RBFOX3: variants seen among roughly 807,000 people sequenced by gnomAD.
RBFOX3 encodes the protein RNA binding protein fox-1 homolog 3.
In RBFOX3, 17 loss-of-function variants were observed where a neutral mutation model predicts 48.7. That is an observed-to-expected ratio of 0.35 (90% confidence interval 0.24 to 0.52). The LOEUF is 0.52. Among genes scored for constraint, RBFOX3 ranks in the 20% least tolerant of loss-of-function variants. The probability of loss-of-function intolerance (pLI) is 0.94; values close to 1 mark genes in which losing one functional copy is unlikely to be tolerated. For synonymous variants in RBFOX3, 212 were observed against 209.5 expected (o/e 1.01, Z -0.10); for missense variants, 382 against 497.5 (o/e 0.77, Z 2.21).
Position 79,391,494 on chromosome 17 carries a change from G to A in RBFOX3, c.-174-83670C>T, listed in dbSNP as rs117980107. On this transcript the variant is annotated intron_variant, in intron 2 of 14. Transcript: ENST00000693108. This position sits in a 1 kb window ranked among gnomAD's most constrained non-coding sequence, Gnocchi z 5.0. ...CCTGAATTATTATCTAAAATGTCAA[G>A]TTCATGACTTGTCCGCCCAAATACG... 4.0e-3 allele frequency among the ~76,000 whole-genome samples: 605 copies of A among 152,274 alleles called. 3 individuals are homozygous for A. Among genetic ancestry groups the A allele is most frequent in the Non-Finnish European group, 6.5e-3 (442 of 68,028 alleles).
intron 2 of RBFOX3, among the ~76,000 whole-genome samples, chr17:79,312,489 C>T (rs1314687808): frequency 1.3e-5 from 2 of 151,998 alleles, no homozygotes; most frequent in African/African-American, 2.4e-5. Context: ...GTCTGCCAGG[C>T]GCTGTCCTGT....
intron 14 of RBFOX3, among the ~76,000 whole-genome samples, chr17:79,091,118 A>G (rs1014944207): frequency 2.6e-5 from 4 of 152,328 alleles, no homozygotes; most frequent in Admixed American, 2.6e-4. Context: ...AGGAGGAGAC[A>G]GAGCTGAGCA....
intron 4 of RBFOX3, among the ~76,000 whole-genome samples, chr17:79,209,865 T>C (rs996803795): frequency 6.6e-6 from 1 of 151,748 alleles, no homozygotes; most frequent in Non-Finnish European, 1.5e-5. Context: ...GGCGTGGTGG[T>C]GGCCGCCTGT....
the RBFOX3 span, among the ~76,000 whole-genome samples, chr17:79,635,916 G>C: frequency 0.026 from 3,940 of 152,290 alleles, 181 homozygotes; most frequent in African/African-American, 0.087. Flanking sequence ...TACCAGGATA[G>C]AACAAGGTTC....
intron 4 of RBFOX3, among the ~76,000 whole-genome samples, chr17:79,209,269 T>C (rs938978974): frequency 1.3e-5 from 2 of 152,190 alleles, no homozygotes; most frequent in African/African-American, 4.8e-5. Flanking sequence ...TGCCTCCTTC[T>C]GGGTGCCCAC....
chr17:79,326,454 T>C (rs550148363), intron 2 of RBFOX3, among the ~76,000 whole-genome samples: 2 of 152,274 alleles, frequency 1.3e-5, no homozygotes, highest in African/African-American at 4.8e-5. Flanking sequence ...AGAGAGTGAA[T>C]CTCCATGGGA....
intron 2 of RBFOX3, among the ~76,000 whole-genome samples, chr17:79,315,658 C>T (rs1249095575): frequency 1.3e-5 from 2 of 152,252 alleles, no homozygotes; most frequent in Admixed American, 6.5e-5. Context: ...CAGGTCATTA[C>T]TCAAGGAAAG....
intron 4 of RBFOX3, among the ~76,000 whole-genome samples, chr17:79,163,464 C>T (rs1432407904): frequency 2.0e-5 from 3 of 152,380 alleles, no homozygotes; most frequent in African/African-American, 7.2e-5. Context: ...CCTTCTGACG[C>T]TGCCCCAGAC....
Position 79,103,363 on chromosome 17 carries a change from G to A in RBFOX3, c.415-109C>T. ...TGGGAGGGGGGCAGGGGAGTGGGGA[G>A]AGAGAGAGAAGGGGTTGAGTCAGGT... On this transcript the variant is annotated intron_variant, in intron 7 of 14. Transcript: ENST00000693108. This position sits in a 1 kb window ranked among gnomAD's most constrained non-coding sequence, Gnocchi z 6.1. 2 of 755,710 alleles carry A rather than the reference G, an allele frequency of 2.6e-6. No individual in the cohort carries two copies. The highest frequency in any genetic ancestry group is 4.5e-6 in the Non-Finnish European group (2 of 439,566). The allele number at this position is 755,710 out of a possible 1,614,324, so 46.8% of individuals were successfully genotyped here. A position where few individuals can be genotyped will look rare whatever the true frequency, so the allele number is the denominator to read the frequency against.
chr17:79,271,216 C>T (rs1392679543), intron 3 of RBFOX3, among the ~76,000 whole-genome samples: 1 of 152,074 alleles, frequency 6.6e-6, no homozygotes, highest in Non-Finnish European at 1.5e-5. Context: ...GCTGGGATTA[C>T]AGGTGCCCGT....
At chr17:79,588,139 G>A (rs2093311398) in intron 1 of RBFOX3, among the ~76,000 whole-genome samples, 1 of 152,156 alleles carries the variant, frequency 6.6e-6, no homozygotes, top group Non-Finnish European at 1.5e-5. Flanking sequence ...GGCCTGAGTT[G>A]GGTCTTGAGG....
chr17:79,214,989 C>T lies in RBFOX3; in HGVS notation c.-34+20777G>A, dbSNP rs2058835299. ...TTATGAAGCCACCCGCTGGTGCTGCCCCCACACCCGTCACTCCTGCACAAG... is the reference window on the plus strand; with the variant it reads ...TTATGAAGCCACCCGCTGGTGCTGCTCCCACACCCGTCACTCCTGCACAAG... On this transcript the variant is annotated intron_variant, in intron 4 of 14. Transcript: ENST00000693108. The surrounding 1 kb of genome is among the most constrained non-coding windows in gnomAD (Gnocchi z 4.7). 6.6e-6 allele frequency among the ~76,000 whole-genome samples: 1 copy of T among 152,186 alleles called. No homozygotes were observed. Among genetic ancestry groups the T allele is most frequent in the South Asian group, 2.1e-4 (1 of 4,828 alleles).
chr17:79,382,200 G>A (rs989334653), intron 2 of RBFOX3, among the ~76,000 whole-genome samples: 8 of 152,298 alleles, frequency 5.3e-5, no homozygotes, highest in East Asian at 1.9e-4. Context: ...AACGGGAGAC[G>A]ATGGTCACAT....
At chr17:79,632,245 C>T in the RBFOX3 span, among the ~76,000 whole-genome samples, 1 of 152,050 alleles carries the variant, frequency 6.6e-6, no homozygotes, top group South Asian at 2.1e-4. Context: ...TCGTTGTAGA[C>T]GGGTTTTCCA....
chr17:79,462,243 T>A (rs1447208591), intron 2 of RBFOX3, among the ~76,000 whole-genome samples: 3 of 152,188 alleles, frequency 2.0e-5, no homozygotes, highest in Non-Finnish European at 4.4e-5. Flanking sequence ...GCATGAACGA[T>A]GTAACGATAA....
intron 2 of RBFOX3, among the ~76,000 whole-genome samples, chr17:79,389,614 C>CCGA (rs1306572874): frequency 6.6e-6 from 1 of 152,236 alleles, no homozygotes; most frequent in Admixed American, 6.5e-5. Context: ...GGCAGCCTTA[C>CCGA]CGACACATGA....
At chr17:79,620,504 CAT>C in the RBFOX3 span, among the ~76,000 whole-genome samples, 371 of 150,710 alleles carry the variant, frequency 2.5e-3, 3 homozygotes, top group African/African-American at 8.7e-3. Context: ...CGCGCACACA[CAT>C]GCGCATACGT....
intron 3 of RBFOX3, among the ~76,000 whole-genome samples, chr17:79,272,998 G>T (rs1209676592): frequency 2.6e-5 from 4 of 152,152 alleles, no homozygotes; most frequent in Non-Finnish European, 5.9e-5. Context: ...TTTGAAAAAT[G>T]TTCCCACGTT....
intron 4 of RBFOX3, among the ~76,000 whole-genome samples, chr17:79,178,809 C>T (rs1212627447): frequency 1.3e-5 from 2 of 152,212 alleles, no homozygotes; most frequent in Admixed American, 1.3e-4. Flanking sequence ...TGCGTGGGTT[C>T]ATTCAGAATA....
Sources: allele counts gnomAD v4.1 joint callset (sites outside exome capture counted in the v4.1 genomes callset), GRCh38; gene constraint gnomAD v4.1.1; non-coding constraint Gnocchi (gnomAD v3.1); transcripts MANE v1.5; gene names NCBI Gene and HGNC (gene_info 2026-07-23, HGNC 2026-07-21).